Variants in IMMP2L observed in about 807,000 individuals in gnomAD.
IMMP2L encodes inner mitochondrial membrane peptidase subunit 2.
IMMP2L carries 18 observed loss-of-function variants against 19.3 expected under a neutral mutation model. The ratio of observed to expected loss-of-function variants is 0.93; its 90% CI spans 0.64 to 1.38. The LOEUF (loss-of-function observed/expected upper bound fraction) is 1.38, where lower values mean the gene tolerates loss of function less well. Ranked by LOEUF, IMMP2L falls within the 40% of genes most tolerant of loss-of-function variation. The pLI is 0.00. For missense variants in IMMP2L, 233 were observed against 218.2 expected, an observed-to-expected ratio of 1.07 and a Z score of -0.43; for synonymous variants, 76 against 73.0, an observed-to-expected ratio of 1.04 and a Z score of -0.21.
chr7:111,068,178 G>A (rs1794667793), intron 3 of IMMP2L, among the ~76,000 whole-genome samples: 5 of 151,974 alleles, frequency 3.3e-5, no homozygotes, highest in Non-Finnish European at 7.4e-5. Context: ...TACATCAAGA[G>A]ACCACAGAGA....
chr7:111,465,581 T>C (rs1585214849), intron 3 of IMMP2L, among the ~76,000 whole-genome samples: 3 of 147,880 alleles, frequency 2.0e-5, no homozygotes, highest in Admixed American at 1.3e-4. Flanking sequence ...AAAATGCTCA[T>C]CATCACTGGC....
intron 5 of IMMP2L, among the ~76,000 whole-genome samples, chr7:110,834,752 C>T (rs7806611): frequency 0.082 from 12,548 of 152,158 alleles, 743 homozygotes; most frequent in African/African-American, 0.16. Flanking sequence ...TGGGAGCTGA[C>T]TTTTCTACAA....
intron 3 of IMMP2L, among the ~76,000 whole-genome samples, chr7:111,093,237 A>G (rs966374337): frequency 2.6e-5 from 4 of 152,334 alleles, no homozygotes; most frequent in Middle Eastern, 3.4e-3. Context: ...TCAGCTTGCA[A>G]TATTGGCAGC....
At chr7:110,787,249 T>C (rs1800146125) in intron 5 of IMMP2L, among the ~76,000 whole-genome samples, 1 of 152,022 alleles carries the variant, frequency 6.6e-6, no homozygotes, top group Non-Finnish European at 1.5e-5. Context: ...ATTAACATGC[T>C]GTATTGCACA....
intron 5 of IMMP2L, among the ~76,000 whole-genome samples, chr7:110,743,453 A>T (rs34984168): frequency 0.31 from 46,609 of 152,002 alleles, 8,595 homozygotes; most frequent in East Asian, 0.68. Flanking sequence ...ATGTTTTTTT[A>T]AAAAAAATAA....
intron 3 of IMMP2L, among the ~76,000 whole-genome samples, chr7:111,212,781 G>C (rs929974908): frequency 1.3e-5 from 2 of 152,204 alleles, no homozygotes; most frequent in Non-Finnish European, 2.9e-5. Flanking sequence ...CAATTCTAAA[G>C]GTAAAGGATA....
chr7:111,436,842 AG>A (rs1287119403), intron 3 of IMMP2L, among the ~76,000 whole-genome samples: 2 of 151,822 alleles, frequency 1.3e-5, no homozygotes, highest in Non-Finnish European at 2.9e-5. Context: ...TGAGGGCCTG[AG>A]GAAGTTTCCA....
At chr7:111,466,457 T>C (rs1458952636) in intron 3 of IMMP2L, among the ~76,000 whole-genome samples, 1 of 152,052 alleles carries the variant, frequency 6.6e-6, no homozygotes, top group African/African-American at 2.4e-5. Flanking sequence ...CTTTTTAAAG[T>C]AAAAATAAAC....
intron 4 of IMMP2L, among the ~76,000 whole-genome samples, chr7:110,888,849 G>C (rs1563056638): frequency 6.6e-6 from 1 of 151,928 alleles, no homozygotes; most frequent in Admixed American, 6.6e-5. Context: ...TTGGAACTTT[G>C]CCTTATTTGT....
At chr7:110,698,473 A>T (rs1794034347) in intron 5 of IMMP2L, among the ~76,000 whole-genome samples, 1 of 152,182 alleles carries the variant, frequency 6.6e-6, no homozygotes, top group African/African-American at 2.4e-5. Context: ...TTGTAAAAGG[A>T]CAGGTGGATG....
At chr7:111,002,946 A>G (rs565451261) in intron 3 of IMMP2L, among the ~76,000 whole-genome samples, 7 of 152,314 alleles carry the variant, frequency 4.6e-5, no homozygotes, top group Admixed American at 4.6e-4. Context: ...CAAACTGTAC[A>G]TCCTGGGACC....
rs7805473 is a variant in IMMP2L, at chr7:111,253,504, G to C, written c.239+233734C>G. The stretch of plus-strand genomic sequence containing the variant: ...CATACAAGGCTCAGAGGTGAAAGGA[G>C]GCTGCATATGATTCTATTTGGCTGT... On this transcript the variant is annotated intron_variant, in intron 3 of 5. Coordinates refer to ENST00000405709, the MANE Select transcript of IMMP2L (RefSeq NM_032549.4). Among the ~76,000 whole-genome samples the C allele has an allele frequency of 3.5e-3, 540 of 152,178 alleles. 3 individuals carry two copies. The highest frequency in any genetic ancestry group is 0.012 in the African/African-American group (512 of 41,520).
intron 4 of IMMP2L, among the ~76,000 whole-genome samples, chr7:110,929,159 C>T (rs1009809489): frequency 1.3e-5 from 2 of 152,018 alleles, no homozygotes; most frequent in East Asian, 1.9e-4. Context: ...TACATGATGC[C>T]GCCCCATCAA....
At chr7:111,433,822 T>C (rs1393217996) in intron 3 of IMMP2L, among the ~76,000 whole-genome samples, 1 of 151,732 alleles carries the variant, frequency 6.6e-6, no homozygotes, top group African/African-American at 2.4e-5. Flanking sequence ...AAAAATCCCA[T>C]AACCATAGAA....
intron 1 of IMMP2L, among the ~76,000 whole-genome samples, chr7:111,525,650 T>G (rs1846768712): frequency 6.6e-6 from 1 of 152,030 alleles, no homozygotes; most frequent in Non-Finnish European, 1.5e-5. Flanking sequence ...TGGAAATAGA[T>G]GGACAATGGT....
At chr7:111,462,521 T>G (rs868295917) in intron 3 of IMMP2L, among the ~76,000 whole-genome samples, 2 of 152,158 alleles carry the variant, frequency 1.3e-5, no homozygotes, top group South Asian at 4.1e-4. Context: ...AAATTTTTTT[T>G]GAATTATTGT....
chr7:111,135,406 A>G (rs1451739067), intron 3 of IMMP2L, among the ~76,000 whole-genome samples: 2 of 152,162 alleles, frequency 1.3e-5, no homozygotes, highest in African/African-American at 4.8e-5. Flanking sequence ...CAAATCTGCA[A>G]TCCCACTGAG....
intron 5 of IMMP2L, among the ~76,000 whole-genome samples, chr7:110,731,145 A>C (rs2130817123): frequency 6.6e-6 from 1 of 152,328 alleles, no homozygotes; most frequent in Admixed American, 6.5e-5. Context: ...TCAGGTCCCT[A>C]GTATCTAAAA....
chr7:111,370,503 T>C (rs1830168959), intron 3 of IMMP2L, among the ~76,000 whole-genome samples: 1 of 152,024 alleles, frequency 6.6e-6, no homozygotes, highest in Non-Finnish European at 1.5e-5. Context: ...TTTAAAATAC[T>C]TTATTGCACC....
Sources: allele counts gnomAD v4.1 joint callset (sites outside exome capture counted in the v4.1 genomes callset), GRCh38; gene constraint gnomAD v4.1.1; transcripts MANE v1.5; gene names NCBI Gene and HGNC (gene_info 2026-07-23, HGNC 2026-07-21).